Variants in PTPRG observed in about 807,000 individuals in gnomAD.
PTPRG encodes the protein receptor-type tyrosine-protein phosphatase gamma.
A neutral mutation model predicts 165.3 loss-of-function variants in PTPRG; 102 were observed. The ratio of observed to expected loss-of-function variants is 0.62; its 90% CI spans 0.53 to 0.73. The LOEUF is 0.73. Ranked by LOEUF, PTPRG falls within the 30% of genes least tolerant of loss-of-function variation. The pLI is 0.00. For synonymous variants in PTPRG, 675 were observed against 669.5 expected (o/e 1.01, Z -0.13); for missense variants, 1,866 against 1,861.4 (o/e 1.00, Z -0.05).
At chr3:61,851,355 T>A (rs1301825956) in intron 2 of PTPRG, among the ~76,000 whole-genome samples, 1 of 152,220 alleles carries the variant, frequency 6.6e-6, no homozygotes, top group African/African-American at 2.4e-5. Context: ...GTGAATACCC[T>A]GTTTGAATGG....
In PTPRG at chr3:61,958,287, A is replaced by G. The variant is rs527762923; in HGVS notation, c.191-31338A>G. ...GACTATAGCTTCGTGCCACCACACC[A>G]GGCTAGTTCTTTTTGTATTTTTAGT... is the stretch of plus-strand genomic sequence containing the variant. On this transcript the variant is annotated intron_variant, in intron 2 of 29. Transcript: ENST00000474889. 1.6e-4 allele frequency among the ~76,000 whole-genome samples: 24 copies of G among 152,036 alleles called. No homozygotes were observed. The South Asian group carries it at 5.0e-3, about 32-fold the overall frequency.
At chr3:61,784,487 C>G (rs999585372) in intron 2 of PTPRG, among the ~76,000 whole-genome samples, 2 of 151,982 alleles carry the variant, frequency 1.3e-5, no homozygotes, top group African/African-American at 4.8e-5. Context: ...AGAGTTTATT[C>G]CTGGAATGAG....
At chr3:61,994,663 T>G (rs2040977113) in intron 3 of PTPRG, among the ~76,000 whole-genome samples, 1 of 152,214 alleles carries the variant, frequency 6.6e-6, no homozygotes. Flanking sequence ...TTAGAAGTTT[T>G]TAGTAGAGTA....
chr3:62,169,307 G>T (rs1454168825), intron 8 of PTPRG, among the ~76,000 whole-genome samples: 3 of 152,104 alleles, frequency 2.0e-5, no homozygotes, highest in African/African-American at 7.2e-5. Context: ...CAACACCCCA[G>T]TATATAGCAG....
intron 1 of PTPRG, among the ~76,000 whole-genome samples, chr3:61,687,683 C>A (rs965741509): frequency 1.3e-5 from 2 of 152,196 alleles, no homozygotes; most frequent in Non-Finnish European, 2.9e-5. Flanking sequence ...CTTTGTTGAT[C>A]ATGGAAATCT....
intron 2 of PTPRG, among the ~76,000 whole-genome samples, chr3:61,912,004 T>C (rs1416937259): frequency 6.6e-6 from 1 of 152,230 alleles, no homozygotes; most frequent in Admixed American, 6.5e-5. Flanking sequence ...CTATTTTAAT[T>C]GTCAGTGTGC....
intron 4 of PTPRG, among the ~76,000 whole-genome samples, chr3:62,074,178 A>AGTGTGTGT (rs777598058): frequency 2.9e-4 from 19 of 65,008 alleles, no homozygotes; most frequent in Admixed American, 1.1e-3. Flanking sequence ...AAAAAAAGTG[A>AGTGTGTGT]GAGTGTGTGT....
chr3:62,121,289 G>C (rs753754681), intron 5 of PTPRG, among the ~76,000 whole-genome samples: 38 of 151,938 alleles, frequency 2.5e-4, no homozygotes, highest in Non-Finnish European at 4.9e-4. Context: ...GATGTGTTAG[G>C]AACTGTGCTA....
intron 1 of PTPRG, among the ~76,000 whole-genome samples, chr3:61,739,603 G>A (rs1315122937): frequency 6.6e-6 from 1 of 152,172 alleles, no homozygotes; most frequent in Non-Finnish European, 1.5e-5. Context: ...TCTTATGTAA[G>A]TAACATACCT....
At chr3:61,729,437 C>A (rs767885958) in intron 1 of PTPRG, among the ~76,000 whole-genome samples, 18 of 152,110 alleles carry the variant, frequency 1.2e-4, no homozygotes, top group Non-Finnish European at 2.5e-4. Flanking sequence ...GCCGTGTTTG[C>A]TCTGGGTTGA....
chr3:62,102,792 A>G (rs548637489), intron 5 of PTPRG, among the ~76,000 whole-genome samples: 8 of 152,320 alleles, frequency 5.3e-5, no homozygotes, highest in East Asian at 1.9e-4. Context: ...CCATATCAGG[A>G]GCATTGGTTA....
At chr3:61,872,944 C>A (rs1200874240) in intron 2 of PTPRG, among the ~76,000 whole-genome samples, 1 of 152,112 alleles carries the variant, frequency 6.6e-6, no homozygotes, top group Admixed American at 6.5e-5. Context: ...TGAGATCCAT[C>A]TAGAAAAAAA....
intron 2 of PTPRG, among the ~76,000 whole-genome samples, chr3:61,850,249 G>A (rs1181658607): frequency 3.9e-5 from 6 of 151,984 alleles, no homozygotes; most frequent in Middle Eastern, 3.4e-3. Flanking sequence ...TGCAACCCCC[G>A]CCTCCTGGGT....
rs138441394 is a variant in PTPRG, at chr3:62,133,778, A to C, written c.682+1110A>C. On this transcript the variant is annotated intron_variant, in intron 6 of 29. Coordinates refer to ENST00000474889, the MANE Select transcript of PTPRG (RefSeq NM_002841.4). ...AGTGGGTGGATCACCTGAAGTCGAGAGTTTGAGACCAGCCTGGCCAACATG... is the reference window on the plus strand; with the variant it reads ...AGTGGGTGGATCACCTGAAGTCGAGCGTTTGAGACCAGCCTGGCCAACATG... 2.9e-3 allele frequency among the ~76,000 whole-genome samples: 448 copies of C among 152,246 alleles called. 2 individuals carry two copies. Among genetic ancestry groups the C allele is most frequent in the African/African-American group, 0.011 (439 of 41,558 alleles).
chr3:61,807,072 T>A (rs922481053), intron 2 of PTPRG, among the ~76,000 whole-genome samples: 3 of 152,188 alleles, frequency 2.0e-5, no homozygotes, highest in Non-Finnish European at 4.4e-5. Context: ...CAATTCAGGA[T>A]ATTGTATTTC....
rs2106868847 is a variant in PTPRG, at chr3:62,213,060, A to AC, written c.2156-5786dup. On this transcript the variant is annotated intron_variant, in intron 12 of 29. Transcript: ENST00000474889. This position sits in a 1 kb window ranked among gnomAD's most constrained non-coding sequence, Gnocchi z 4.4. The stretch of plus-strand genomic sequence containing the variant: ...ATTTGGGCATCATGGAGGGAAGCAA[A>AC]CCCCCAGTAACTGGGCAGCTCAGTT... Among the ~76,000 whole-genome samples the AC allele has an allele frequency of 6.6e-6, 1 of 152,118 alleles. No individual in the cohort carries two copies. The highest frequency in any genetic ancestry group is 2.1e-4 in the South Asian group (1 of 4,820).
chr3:61,803,996 A>C (rs1423756674), intron 2 of PTPRG, among the ~76,000 whole-genome samples: 1 of 152,204 alleles, frequency 6.6e-6, no homozygotes, highest in Non-Finnish European at 1.5e-5. Flanking sequence ...AAATGCTTAG[A>C]TCAAACAAGA....
intron 1 of PTPRG, among the ~76,000 whole-genome samples, chr3:61,674,589 C>T (rs959642434): frequency 2.0e-5 from 3 of 149,488 alleles, no homozygotes; most frequent in Non-Finnish European, 3.0e-5. Flanking sequence ...CCAAAAAATT[C>T]GATTGATGTG....
chr3:62,149,845 C>T lies in PTPRG; in HGVS notation c.683-7222C>T, dbSNP rs1002733973. Among the ~76,000 whole-genome samples the T allele has an allele frequency of 3.3e-5, 5 of 152,178 alleles. No homozygotes were observed. The East Asian group carries it at 5.8e-4, about 18-fold the overall frequency. Reference sequence around the variant, plus strand: ...TGAGCGGGATTATCAATTGTACTTACCCAAAAGCTGATTTTTTCCCCCCCT... The same window carrying T: ...TGAGCGGGATTATCAATTGTACTTATCCAAAAGCTGATTTTTTCCCCCCCT... On this transcript the variant is annotated intron_variant, in intron 6 of 29. Coordinates refer to ENST00000474889, the MANE Select transcript of PTPRG (RefSeq NM_002841.4).
Sources: gnomAD v4.1 joint callset for allele counts (sites outside exome capture counted in the v4.1 genomes callset) on GRCh38, gnomAD v4.1.1 for gene constraint, Gnocchi (gnomAD v3.1) non-coding constraint, MANE v1.5 for transcripts, NCBI Gene and HGNC (gene_info 2026-07-23, HGNC 2026-07-21) for gene names.